The following DENND3 variants were observed in gnomAD, a reference collection of about 807,000 sequenced individuals.
DENND3 encodes the protein DENN domain-containing protein 3.
Under a neutral mutation model 135.1 loss-of-function variants are expected in DENND3, and 88 were observed. That is an observed-to-expected ratio of 0.65 (90% CI 0.55 to 0.78). The LOEUF is 0.78. DENND3 is among the 30% of genes least tolerant of loss of function. The pLI is 0.00. For missense variants in DENND3, 1,392 were observed against 1,688.4 expected, an observed-to-expected ratio of 0.82 and a Z score of 3.08; for synonymous variants, 693 against 712.3, an observed-to-expected ratio of 0.97 and a Z score of 0.43.
At position 141,141,553 on chromosome 8, in the gene DENND3, C is replaced by A; in HGVS notation, c.623+229C>A. 1.8e-6 allele frequency: 1 copy of A among 558,742 alleles called. No individual in the cohort carries two copies. The highest frequency in any genetic ancestry group is 3.2e-6 in the Non-Finnish European group (1 of 312,708). 34.6% of individuals were successfully genotyped at this position (558,742 alleles called of 1,614,324 possible). A position where few individuals can be genotyped will look rare whatever the true frequency, so the allele number is the denominator to read the frequency against. On this transcript the variant is annotated intron_variant, in intron 4 of 22. Coordinates refer to ENST00000519811, the MANE Select transcript of DENND3 (RefSeq NM_001352890.3). The surrounding 1 kb of genome is among the most constrained non-coding windows in gnomAD (Gnocchi z 5.3). ...GGCAGGGGGTGTGGCAGCGGGCGCT[C>A]CTCTCTGTGACTGGTAACATACGGT...
At chr8:141,149,759 CG>C (rs1818565174) in intron 5 of DENND3, among the ~76,000 whole-genome samples, 1 of 152,252 alleles carries the variant, frequency 6.6e-6, no homozygotes, top group South Asian at 2.1e-4. Context: ...AGGTGTCCCC[CG>C]CTGGGACGCG....
At chr8:141,149,201 C>A (rs1294748737) in intron 5 of DENND3, among the ~76,000 whole-genome samples, 8 of 152,242 alleles carry the variant, frequency 5.3e-5, no homozygotes, top group Non-Finnish European at 1.2e-4. Flanking sequence ...TGAGCCACCA[C>A]ACCCGGCCGA....
chr8:141,155,508 A>C (rs914073520), intron 7 of DENND3, among the ~76,000 whole-genome samples: 2 of 151,688 alleles, frequency 1.3e-5, no homozygotes, highest in Admixed American at 1.3e-4. Context: ...GGCTCAAGGG[A>C]TCCTCCTGCC....
At position 141,146,246 on chromosome 8, in the gene DENND3, GTTAC is replaced by G. The variant is rs980194757; in HGVS notation, c.735+1991_735+1994del. Among the ~76,000 whole-genome samples, 2 of 152,158 alleles carry G rather than the reference GTTAC, an allele frequency of 1.3e-5. No individual in the cohort carries two copies. Among genetic ancestry groups the G allele is most frequent in the African/African-American group, 2.4e-5 (1 of 41,418 alleles). The stretch of plus-strand genomic sequence containing the variant: ...TTGTTACTCTTAGATGTAGTGCTGT[GTTAC>G]TTAATGAACAGGCAAACATTTCCCA... On this transcript the variant is annotated intron_variant, in intron 5 of 22. Transcript: ENST00000519811. The surrounding 1 kb of genome is among the most constrained non-coding windows in gnomAD (Gnocchi z 4.3).
In DENND3 at chr8:141,138,531, G is replaced by A. The variant is rs1458274321; in HGVS notation, c.501+394G>A. On this transcript the variant is annotated intron_variant, in intron 3 of 22. Transcript: ENST00000519811. This position sits in a 1 kb window ranked among gnomAD's most constrained non-coding sequence, Gnocchi z 4.8. ...CTCCCGAGTAGCTGGGATTACAGGT[G>A]CCCACCACCATGCCCAGCTAATTTT... Among the ~76,000 whole-genome samples, 2 of 152,022 alleles carry A rather than the reference G, an allele frequency of 1.3e-5. No homozygotes were observed. Among genetic ancestry groups the A allele is most frequent in the East Asian group, 3.9e-4 (2 of 5,188 alleles).
rs1817400635 is a variant in DENND3, at chr8:141,141,121, G to A, written c.502-82G>A. 1 of 1,603,146 alleles carries A rather than the reference G, an allele frequency of 6.2e-7. No homozygotes were observed. The highest frequency in any genetic ancestry group is 2.2e-5 in the East Asian group (1 of 44,800). ...ATGGTGGACTCTCAGCTTGCTGTGT[G>A]CTGAAACGTGACCCAGTTGGAAACA... On this transcript the variant is annotated intron_variant, in intron 3 of 22. Coordinates refer to ENST00000519811, the MANE Select transcript of DENND3 (RefSeq NM_001352890.3). This position sits in a 1 kb window ranked among gnomAD's most constrained non-coding sequence, Gnocchi z 5.3.
At chr8:141,183,756 T>TA (rs112359893) in intron 17 of DENND3, among the ~76,000 whole-genome samples, 23,053 of 140,112 alleles carry the variant, frequency 0.16, 6,214 homozygotes, top group African/African-American at 0.57. Context: ...TTTTTTAATT[T>TA]AAAAAAAAAA....
At position 141,154,347 on chromosome 8, in the gene DENND3, C is replaced by T. The variant is rs307748; in HGVS notation, c.1075-1502C>T. Among the ~76,000 whole-genome samples, 101,250 of 152,002 alleles carry T rather than the reference C, an allele frequency of 0.67. 33,931 individuals are homozygous for T. Among genetic ancestry groups the T allele is most frequent in the South Asian group, 0.74 (3,542 of 4,814 alleles). ...GCATATCTCAAATATTCCAGGGCTACGCGGTCTCTTAGCCCAGGCCCCTGC... is the reference window on the plus strand; with the variant it reads ...GCATATCTCAAATATTCCAGGGCTATGCGGTCTCTTAGCCCAGGCCCCTGC... On this transcript the variant is annotated intron_variant, in intron 7 of 22. Transcript: ENST00000519811. This position sits in a 1 kb window ranked among gnomAD's most constrained non-coding sequence, Gnocchi z 4.4.
At position 141,192,877 on chromosome 8, in the gene DENND3, C is replaced by T. The variant is rs1027831595; in HGVS notation, c.3636+214C>T. 16 of 1,512,550 alleles carry T rather than the reference C, an allele frequency of 1.1e-5. 1 individual carries two copies. The highest frequency in any genetic ancestry group is 4.8e-5 in the South Asian group (4 of 82,732). The allele number at this position is 1,512,550 out of a possible 1,614,324, so 93.7% of individuals were successfully genotyped here. On this transcript the variant is annotated intron_variant, in intron 22 of 22. Coordinates refer to ENST00000519811, the MANE Select transcript of DENND3 (RefSeq NM_001352890.3). The stretch of plus-strand genomic sequence containing the variant: ...ATGGTGTGGTCCAAGCACTCCACAG[C>T]GCATTCCCCCAAACTGGATGGCTTC...
In DENND3 at chr8:141,137,135, A is replaced by G. The variant is rs1816876955; in HGVS notation, c.385+344A>G. Among the ~76,000 whole-genome samples, 1 of 152,034 alleles carries G rather than the reference A, an allele frequency of 6.6e-6. No individual in the cohort carries two copies. Among genetic ancestry groups the G allele is most frequent in the South Asian group, 2.1e-4 (1 of 4,818 alleles). ...GCTGGGATTACAGGTGCCAACCACCACGCCTGGCTAACTTTTGTGTCTTTA... is the reference window on the plus strand; with the variant it reads ...GCTGGGATTACAGGTGCCAACCACCGCGCCTGGCTAACTTTTGTGTCTTTA... On this transcript the variant is annotated intron_variant, in intron 2 of 22. Coordinates refer to ENST00000519811, the MANE Select transcript of DENND3 (RefSeq NM_001352890.3). This position sits in a 1 kb window ranked among gnomAD's most constrained non-coding sequence, Gnocchi z 4.1.
At chr8:141,170,878 C>T (rs1207705640) in intron 13 of DENND3, among the ~76,000 whole-genome samples, 2 of 152,242 alleles carry the variant, frequency 1.3e-5, no homozygotes, top group African/African-American at 2.4e-5. Context: ...ACGAGCCAGC[C>T]CGTGGGCATC....
At chr8:141,179,810 G>A (rs549875086) in intron 16 of DENND3, among the ~76,000 whole-genome samples, 80 of 152,322 alleles carry the variant, frequency 5.3e-4, no homozygotes, top group Admixed American at 9.8e-4. Flanking sequence ...TGGGGATAAC[G>A]GGACCAATCT....
At chr8:141,171,084 T>C (rs940417831) in intron 13 of DENND3, among the ~76,000 whole-genome samples, 2 of 152,224 alleles carry the variant, frequency 1.3e-5, no homozygotes, top group Non-Finnish European at 2.9e-5. Flanking sequence ...TGTTGTCACT[T>C]TGGCCTTGCT....
Position 141,128,946 on chromosome 8 carries a change from C to G in DENND3, c.102+137C>G, listed in dbSNP as rs1323787018. On this transcript the variant is annotated intron_variant, in intron 1 of 22. Coordinates refer to ENST00000519811, the MANE Select transcript of DENND3 (RefSeq NM_001352890.3). The surrounding 1 kb of genome is among the most constrained non-coding windows in gnomAD (Gnocchi z 4.5). ...TGAGTCCCGGTCCCCCGGCGGTGACCCCGCGCGCCTGTGGCCGGGGATCGC... is the reference window on the plus strand; with the variant it reads ...TGAGTCCCGGTCCCCCGGCGGTGACGCCGCGCGCCTGTGGCCGGGGATCGC... The G allele has an allele frequency of 3.2e-6, 2 of 632,770 alleles. No individual in the cohort carries two copies. The highest frequency in any genetic ancestry group is 4.7e-6 in the Non-Finnish European group (2 of 423,076). The allele number at this position is 632,770 out of a possible 1,614,324, so 39.2% of individuals were successfully genotyped here. A position where few individuals can be genotyped will look rare whatever the true frequency, so the allele number is the denominator to read the frequency against.
intron 1 of DENND3, among the ~76,000 whole-genome samples, chr8:141,133,432 G>C (rs1049400801): frequency 2.0e-5 from 3 of 152,116 alleles, no homozygotes; most frequent in African/African-American, 7.2e-5. Context: ...GGCTGGGTTG[G>C]GGCCACAAAG....
chr8:141,158,841 G>A (rs1349420879), intron 8 of DENND3, among the ~76,000 whole-genome samples: 1 of 152,182 alleles, frequency 6.6e-6, no homozygotes, highest in Non-Finnish European at 1.5e-5. Flanking sequence ...TGCTGGCTGC[G>A]TGCTTGGGTG....
chr8:141,160,293 C>T (rs1477381823), intron 8 of DENND3, among the ~76,000 whole-genome samples: 1 of 151,866 alleles, frequency 6.6e-6, no homozygotes, highest in Admixed American at 6.6e-5. Flanking sequence ...ATTCTCCTGG[C>T]TCAGCCTCCC....
intron 8 of DENND3, chr8:141,158,431 T>G: frequency 8.7e-7 from 1 of 1,147,252 alleles, no homozygotes; most frequent in Non-Finnish European, 1.1e-6. Flanking sequence ...AATTCCGGAA[T>G]AGAAACACAC....
At chr8:141,161,799 T>G (rs1300289762) in intron 9 of DENND3, among the ~76,000 whole-genome samples, 1 of 131,482 alleles carries the variant, frequency 7.6e-6, no homozygotes, top group Non-Finnish European at 1.6e-5. Flanking sequence ...TTGAGTGGCC[T>G]TTTTTTTTTT....
Sources: allele counts gnomAD v4.1 joint callset (sites outside exome capture counted in the v4.1 genomes callset), GRCh38; gene constraint gnomAD v4.1.1; non-coding constraint Gnocchi (gnomAD v3.1); transcripts MANE v1.5; gene names NCBI Gene and HGNC (gene_info 2026-07-23, HGNC 2026-07-21).